Variants in PTPRD observed in about 807,000 individuals in gnomAD.
PTPRD encodes the protein receptor-type tyrosine-protein phosphatase delta.
Under a neutral mutation model 214.5 loss-of-function variants are expected in PTPRD, and 34 were observed. The observed-to-expected ratio is 0.16, with a 90% CI of 0.12 to 0.21. PTPRD has a LOEUF of 0.21. Among genes scored for constraint, PTPRD ranks in the 10% least tolerant of loss-of-function variants. PTPRD has a pLI of 1.00. For synonymous variants in PTPRD, 1,128 were observed against 845.7 expected, an observed-to-expected ratio of 1.33 and a Z score of -5.79; for missense variants, 2,545 against 2,398.7, an observed-to-expected ratio of 1.06 and a Z score of -1.27.
chr9:9,822,901 G>A (rs993299824), intron 5 of PTPRD, among the ~76,000 whole-genome samples: 1 of 152,086 alleles, frequency 6.6e-6, no homozygotes, highest in Non-Finnish European at 1.5e-5. Flanking sequence ...ATGAAAAACA[G>A]AATGGTACGT....
At chr9:9,633,582 G>GAGC in intron 7 of PTPRD, among the ~76,000 whole-genome samples, 1 of 152,128 alleles carries the variant, frequency 6.6e-6, no homozygotes, top group Non-Finnish European at 1.5e-5. Context: ...TTCTCTCTCA[G>GAGC]TGAGAGATAT....
intron 2 of PTPRD, among the ~76,000 whole-genome samples, chr9:10,568,151 G>C (rs966959691): frequency 1.4e-4 from 19 of 133,256 alleles, no homozygotes; most frequent in Non-Finnish European, 1.8e-4. Context: ...AGTGTGTGAT[G>C]TTCCCCTTCC....
chr9:8,556,251 A>G (rs2083714639), intron 14 of PTPRD, among the ~76,000 whole-genome samples: 2 of 152,204 alleles, frequency 1.3e-5, no homozygotes, highest in African/African-American at 4.8e-5. Context: ...TAACTTTACT[A>G]TGTCCAGAGC....
At chr9:10,398,125 T>C (rs1194145516) in intron 2 of PTPRD, among the ~76,000 whole-genome samples, 2 of 151,424 alleles carry the variant, frequency 1.3e-5, no homozygotes, top group African/African-American at 2.4e-5. Context: ...ACACCTGTCA[T>C]CCCAACACTT....
chr9:10,128,509 A>C (rs999567059), intron 3 of PTPRD, among the ~76,000 whole-genome samples: 1 of 152,162 alleles, frequency 6.6e-6, no homozygotes, highest in East Asian at 1.9e-4. Context: ...GCCTTCCCTC[A>C]TGGCCCTTAG....
chr9:10,488,912 G>GA (rs760797517), intron 2 of PTPRD, among the ~76,000 whole-genome samples: 2 of 152,136 alleles, frequency 1.3e-5, no homozygotes, highest in African/African-American at 2.4e-5. Context: ...CCAAGTCCTA[G>GA]AATCAAGGAC....
intron 10 of PTPRD, among the ~76,000 whole-genome samples, chr9:9,150,371 CTT>C (rs1465808481): frequency 6.7e-6 from 1 of 150,206 alleles, no homozygotes; most frequent in East Asian, 1.9e-4. Context: ...TAAGCACAGT[CTT>C]TTACATCATG....
intron 14 of PTPRD, among the ~76,000 whole-genome samples, chr9:8,582,961 A>G (rs1242432184): frequency 6.6e-6 from 1 of 152,210 alleles, no homozygotes; most frequent in Non-Finnish European, 1.5e-5. Context: ...TTGAAATTGG[A>G]AATAATTAAA....
At chr9:8,721,408 C>T (rs1362529129) in intron 12 of PTPRD, among the ~76,000 whole-genome samples, 1 of 139,692 alleles carries the variant, frequency 7.2e-6, no homozygotes, top group Non-Finnish European at 1.5e-5. Context: ...CCAGTCTGGA[C>T]GACTGAGTGA....
chr9:9,155,078 G>C (rs1310078559), intron 10 of PTPRD, among the ~76,000 whole-genome samples: 1 of 152,134 alleles, frequency 6.6e-6, no homozygotes, highest in Non-Finnish European at 1.5e-5. Flanking sequence ...ACGAGATCAA[G>C]AGACACAGAA....
intron 3 of PTPRD, among the ~76,000 whole-genome samples, chr9:10,217,378 C>A (rs1353329172): frequency 1.3e-5 from 2 of 151,750 alleles, no homozygotes; most frequent in Admixed American, 6.6e-5. Context: ...TCAGCCTCCC[C>A]CTCCTCCATA....
chr9:9,910,822 A>G (rs557970043), intron 5 of PTPRD, among the ~76,000 whole-genome samples: 115 of 152,156 alleles, frequency 7.6e-4, no homozygotes, highest in African/African-American at 2.7e-3. Context: ...TAATGGACTG[A>G]ATAATACTTG....
At chr9:8,427,995 T>C (rs1033272681) in intron 35 of PTPRD, among the ~76,000 whole-genome samples, 5 of 152,156 alleles carry the variant, frequency 3.3e-5, no homozygotes. Context: ...TGTGTTTGTT[T>C]TTAATGATTG....
chr9:10,488,213 A>G (rs13290766), intron 2 of PTPRD, among the ~76,000 whole-genome samples: 21,892 of 151,708 alleles, frequency 0.14, 1,698 homozygotes, highest in Non-Finnish European at 0.17. Flanking sequence ...TAAAAATACA[A>G]AAAATTAGCT....
At chr9:8,913,834 C>T (rs911590568) in intron 11 of PTPRD, among the ~76,000 whole-genome samples, 1 of 152,094 alleles carries the variant, frequency 6.6e-6, no homozygotes, top group African/African-American at 2.4e-5. Context: ...TTATGACCTG[C>T]TTTGGGGGTA....
chr9:8,543,673 T>C lies in PTPRD; in HGVS notation c.353-14894A>G, dbSNP rs547071098. On this transcript the variant is annotated intron_variant, in intron 14 of 45. Transcript: ENST00000381196. ...CGGAATTAACTCAGAAGATAAAATA[T>C]AATCAAGAATGTTTCCCCAGTGGGA... Among the ~76,000 whole-genome samples, 61 of 152,328 alleles carry C rather than the reference T, an allele frequency of 4.0e-4. 1 individual carries two copies. Among genetic ancestry groups the C allele is most frequent in the Non-Finnish European group, 7.1e-4 (48 of 68,024 alleles).
At position 10,073,950 on chromosome 9, in the gene PTPRD, G is replaced by A. The variant is rs558155538; in HGVS notation, c.-544-40160C>T. On this transcript the variant is annotated intron_variant, in intron 3 of 45. Transcript: ENST00000381196. Reference sequence around the variant, plus strand: ...ATAACTTTTGAAACCAGCATAGCTAGAAAATTGAATTAAAGAGAAATTTCA... The same window carrying A: ...ATAACTTTTGAAACCAGCATAGCTAAAAAATTGAATTAAAGAGAAATTTCA... 2.4e-4 allele frequency among the ~76,000 whole-genome samples: 37 copies of A among 152,240 alleles called. 1 individual carries two copies. The highest frequency in any genetic ancestry group is 4.6e-4 in the Admixed American group (7 of 15,274).
At chr9:8,607,254 T>C (rs530376544) in intron 14 of PTPRD, among the ~76,000 whole-genome samples, 13 of 152,340 alleles carry the variant, frequency 8.5e-5, no homozygotes, top group Admixed American at 8.5e-4. Flanking sequence ...CCACAGTGTA[T>C]ATATACTTAA....
At chr9:8,512,336 T>C (rs1355905880) in intron 21 of PTPRD, among the ~76,000 whole-genome samples, 2 of 152,068 alleles carry the variant, frequency 1.3e-5, no homozygotes, top group Non-Finnish European at 2.9e-5. Context: ...TCAACAGTCA[T>C]TAAATATAAA....
Sources: allele counts gnomAD v4.1 joint callset (sites outside exome capture counted in the v4.1 genomes callset), GRCh38; gene constraint gnomAD v4.1.1; transcripts MANE v1.5; gene names NCBI Gene and HGNC (gene_info 2026-07-23, HGNC 2026-07-21).